Variants in NR3C1 observed in about 807,000 individuals in gnomAD.
The protein encoded by NR3C1 is glucocorticoid receptor.
NR3C1 carries 14 observed loss-of-function variants against 74.0 expected under a neutral mutation model. That is an observed-to-expected ratio of 0.19 (90% confidence interval 0.12 to 0.30). The LOEUF is 0.30. NR3C1 is among the 10% of genes least tolerant of loss of function. NR3C1 has a pLI of 1.00. For synonymous variants in NR3C1, 308 were observed against 332.5 expected, an observed-to-expected ratio of 0.93 and a Z score of 0.80; for missense variants, 695 against 909.8, an observed-to-expected ratio of 0.76 and a Z score of 3.04.
At chr5:143,363,252 G>A (rs989996627) in intron 2 of NR3C1, among the ~76,000 whole-genome samples, 5 of 152,178 alleles carry the variant, frequency 3.3e-5, no homozygotes, top group African/African-American at 9.7e-5. Context: ...TACAGAATTA[G>A]CCATGAAAAG....
intron 5 of NR3C1, among the ~76,000 whole-genome samples, chr5:143,299,740 A>G (rs1818106330): frequency 6.6e-6 from 1 of 152,190 alleles, no homozygotes. Flanking sequence ...ATGTACAACT[A>G]TTATGTATTG....
intron 2 of NR3C1, among the ~76,000 whole-genome samples, chr5:143,372,118 G>A (rs763342659): frequency 6.6e-6 from 1 of 152,074 alleles, no homozygotes; most frequent in Admixed American, 6.5e-5. Context: ...AAACCAGCAC[G>A]CATTTCTTTT....
At chr5:143,435,488 G>T in exon 1 of NR3C1, 7 of 985,502 alleles carry the variant, frequency 7.1e-6, no homozygotes, top group Non-Finnish European at 8.4e-6. Context: ...TTTGAATGGG[G>T]TGAAAGCAAA....
At chr5:143,379,154 C>T (rs1835745353) in intron 2 of NR3C1, among the ~76,000 whole-genome samples, 1 of 152,184 alleles carries the variant, frequency 6.6e-6, no homozygotes, top group South Asian at 2.1e-4. Flanking sequence ...AACACACTTT[C>T]TCTTCCTTTT....
At chr5:143,348,491 C>A (rs1363001467) in intron 2 of NR3C1, among the ~76,000 whole-genome samples, 1 of 152,156 alleles carries the variant, frequency 6.6e-6, no homozygotes, top group African/African-American at 2.4e-5. Flanking sequence ...TGCATGTTCC[C>A]AGCTGAAGTC....
chr5:143,312,493 C>T (rs1165260575), intron 3 of NR3C1, among the ~76,000 whole-genome samples: 1 of 151,976 alleles, frequency 6.6e-6, no homozygotes, highest in African/African-American at 2.4e-5. Context: ...GTAAAGCCCA[C>T]CCCTGCCTAG....
chr5:143,315,999 A>G (rs952228222), intron 2 of NR3C1, among the ~76,000 whole-genome samples: 4 of 152,184 alleles, frequency 2.6e-5, no homozygotes, highest in Non-Finnish European at 4.4e-5. Context: ...CACTGTTAAG[A>G]AGAATTTGTA....
rs766516422 is a variant in NR3C1, at chr5:143,400,843, T to A, written c.-4A>T. The A allele has an allele frequency of 7.4e-6, 12 of 1,612,912 alleles. No individual in the cohort carries two copies. The highest frequency in any genetic ancestry group is 1.0e-5 in the Non-Finnish European group (12 of 1,179,736). ...TTAATGATTCTTTGGAGTCCATCAGTGAATATCAACTACAAAACAAAAAAC... is the reference window on the plus strand; with the variant it reads ...TTAATGATTCTTTGGAGTCCATCAGAGAATATCAACTACAAAACAAAAAAC... On this transcript the variant is annotated 5_prime_UTR_variant, in exon 2 of 9. Transcript: ENST00000394464.
chr5:143,294,508 T>C (rs1816702915), intron 7 of NR3C1: 1 of 175,816 alleles, frequency 5.7e-6, no homozygotes, highest in South Asian at 1.9e-4. Context: ...CCAAAGTCCA[T>C]AGTTGAGGGT....
intron 2 of NR3C1, among the ~76,000 whole-genome samples, chr5:143,328,428 A>C (rs536889718): frequency 7.9e-5 from 12 of 152,066 alleles, no homozygotes; most frequent in Admixed American, 6.5e-4. Context: ...GCTCCTTGTT[A>C]CTTATTACTT....
chr5:143,393,439 T>C (rs1336263206), intron 2 of NR3C1, among the ~76,000 whole-genome samples: 1 of 152,162 alleles, frequency 6.6e-6, no homozygotes, highest in Non-Finnish European at 1.5e-5. Context: ...GGCCATGGAC[T>C]GTCTCCCTTA....
rs1416713730 is a variant in NR3C1, at chr5:143,278,889, G to A, written c.*3000C>T. The A allele has an allele frequency of 6.4e-6, 1 of 156,232 alleles. No individual in the cohort carries two copies. The highest frequency in any genetic ancestry group is 6.6e-5 in the Admixed American group (1 of 15,260). The allele number at this position is 156,232 out of a possible 1,614,324, so 9.7% of individuals were successfully genotyped here. ...CACTTCATAGACACAAATCATGTTA[G>A]TTTTCCTTTTGGGGTGGCCAAGGTT... On this transcript the variant is annotated 3_prime_UTR_variant, in exon 9 of 9. Coordinates refer to ENST00000394464, the MANE Select transcript of NR3C1 (RefSeq NM_000176.3).
At chr5:143,433,309 A>G (rs892489004) in intron 1 of NR3C1, among the ~76,000 whole-genome samples, 1 of 148,028 alleles carries the variant, frequency 6.8e-6, no homozygotes, top group Non-Finnish European at 1.5e-5. Context: ...ACCATCTCTC[A>G]TTAACAGCAA....
At position 143,305,240 on chromosome 5, in the gene NR3C1, C is replaced by T. The variant is rs533421561; in HGVS notation, c.1469-4477G>A. On this transcript the variant is annotated intron_variant, in intron 4 of 8. Transcript: ENST00000394464. ...CAGACACTTCTCAAAAAAAGACATA[C>T]GTGTGGCCAACAAACATATGGAAAA... Among the ~76,000 whole-genome samples the T allele has an allele frequency of 3.3e-5, 5 of 152,196 alleles. No individual in the cohort carries two copies. The East Asian group carries it at 7.7e-4, about 24-fold the overall frequency.
chr5:143,296,623 A>G (rs1398955921), intron 6 of NR3C1, among the ~76,000 whole-genome samples: 1 of 152,146 alleles, frequency 6.6e-6, no homozygotes, highest in Non-Finnish European at 1.5e-5. Flanking sequence ...TAAAAACAAC[A>G]ACAATTTTTT....
chr5:143,372,919 T>C (rs954972838), intron 2 of NR3C1, among the ~76,000 whole-genome samples: 1 of 152,186 alleles, frequency 6.6e-6, no homozygotes, highest in East Asian at 1.9e-4. Flanking sequence ...TTGCAACCAA[T>C]GTTTATTCCA....
intron 2 of NR3C1, among the ~76,000 whole-genome samples, chr5:143,317,865 G>A (rs1822488770): frequency 6.6e-6 from 1 of 152,122 alleles, no homozygotes; most frequent in African/African-American, 2.4e-5. Context: ...AACGAACCTT[G>A]AAACTCTGGT....
chr5:143,348,484 A>T (rs1234886744), intron 2 of NR3C1, among the ~76,000 whole-genome samples: 1 of 152,146 alleles, frequency 6.6e-6, no homozygotes, highest in South Asian at 2.1e-4. Flanking sequence ...ACTGATATGC[A>T]TGTTCCCAGC....
At chr5:143,327,616 G>A (rs568546856) in intron 2 of NR3C1, among the ~76,000 whole-genome samples, 85 of 152,274 alleles carry the variant, frequency 5.6e-4, no homozygotes, top group African/African-American at 2.0e-3. Context: ...TACAATGAGG[G>A]AACAGGCATT....
Sources: allele counts gnomAD v4.1 joint callset (sites outside exome capture counted in the v4.1 genomes callset), GRCh38; gene constraint gnomAD v4.1.1; transcripts MANE v1.5; gene names NCBI Gene and HGNC (gene_info 2026-07-23, HGNC 2026-07-21).